The following ANLN variants were observed in gnomAD, a reference collection of about 807,000 sequenced individuals.
The protein encoded by ANLN is anillin.
ANLN carries 59 observed loss-of-function variants against 135.1 expected under a neutral mutation model. The observed-to-expected ratio is 0.44, with a 90% confidence interval of 0.35 to 0.54. The LOEUF (loss-of-function observed/expected upper bound fraction) is 0.54. Ranked by LOEUF, ANLN falls within the 20% of genes least tolerant of loss-of-function variation. ANLN has a pLI of 0.00. For missense variants in ANLN, 1,182 were observed against 1,340.0 expected (o/e 0.88, Z 1.84); for synonymous variants, 406 against 456.4 (o/e 0.89, Z 1.41).
intron 15 of ANLN, 28 bp from the exon 16 acceptor site, chr7:36,424,517 G>C: frequency 1.3e-6 from 2 of 1,567,316 alleles, no homozygotes; most frequent in Non-Finnish European, 1.7e-6. Context: ...TTTCTCTCAA[G>C]GTTTTACTTA....
chr7:36,431,597 G>GTGTGTGTATATA (rs1306528982), intron 20 of ANLN, among the ~76,000 whole-genome samples: 10 of 27,444 alleles, frequency 3.6e-4, no homozygotes, highest in African/African-American at 8.3e-4. Context: ...GTGTGTGTGT[G>GTGTGTGTATATA]TATATATATA....
chr7:36,431,617 A>ATATATATATATATATATATATAT (rs141380630), intron 20 of ANLN, among the ~76,000 whole-genome samples: 5 of 67,368 alleles, frequency 7.4e-5, no homozygotes, highest in African/African-American at 2.9e-4. Flanking sequence ...ATATATATAT[A>ATATATATATATATATATATATAT]ATATATATAT....
intron 4 of ANLN, among the ~76,000 whole-genome samples, chr7:36,407,161 A>G (rs1401123186): frequency 6.6e-6 from 1 of 152,088 alleles, no homozygotes; most frequent in Non-Finnish European, 1.5e-5. Flanking sequence ...TTAGACCTGC[A>G]TTGAATCCCA....
chr7:36,449,088 C>T (rs570310914), intron 22 of ANLN: 4 of 152,288 alleles, frequency 2.6e-5, no homozygotes, highest in Admixed American at 6.5e-5. Context: ...AGTTGACACA[C>T]TTATTGGCTG....
At chr7:36,411,199 G>T (rs765736154) in intron 7 of ANLN, 33 bp downstream of exon 7, 2 of 1,541,312 alleles carry the variant, frequency 1.3e-6, no homozygotes, top group East Asian at 2.3e-5. Context: ...AAACGAACTT[G>T]GTCCCCAAAT....
intron 2 of ANLN, among the ~76,000 whole-genome samples, chr7:36,398,263 ATTTG>A (rs1194684896): frequency 6.6e-6 from 1 of 151,874 alleles, no homozygotes; most frequent in Non-Finnish European, 1.5e-5. Flanking sequence ...GTACTGGTGA[ATTTG>A]TTTGGTATTG....
chr7:36,409,098 A>T (rs1787307177), intron 5 of ANLN, among the ~76,000 whole-genome samples: 1 of 152,238 alleles, frequency 6.6e-6, no homozygotes, highest in African/African-American at 2.4e-5. Flanking sequence ...AATTGGAAAC[A>T]ATAGCAAGAT....
intron 9 of ANLN, among the ~76,000 whole-genome samples, chr7:36,418,284 T>C (rs1340657651): frequency 6.6e-6 from 1 of 151,908 alleles, no homozygotes; most frequent in East Asian, 1.9e-4. Flanking sequence ...TCCTCTCTGG[T>C]GAGGGGTGAG....
intron 20 of ANLN, among the ~76,000 whole-genome samples, chr7:36,429,752 AAG>A (rs1788238131): frequency 6.6e-6 from 1 of 152,204 alleles, no homozygotes; most frequent in South Asian, 2.1e-4. Flanking sequence ...TCTAAAATGA[AAG>A]AGATTTCAAT....
intron 23 of ANLN, among the ~76,000 whole-genome samples, chr7:36,451,185 T>C (rs761515738): frequency 6.6e-6 from 1 of 152,256 alleles, no homozygotes; most frequent in Non-Finnish European, 1.5e-5. Context: ...CTCACTGATG[T>C]GTTTCCTTAC....
In ANLN at chr7:36,424,532, T is replaced by C; in HGVS notation, c.2604-13T>C. 1.3e-6 allele frequency: 2 copies of C among 1,589,876 alleles called. No homozygotes were observed. The highest frequency in any genetic ancestry group is 1.7e-6 in the Non-Finnish European group (2 of 1,167,086). On this transcript the variant is annotated splice_polypyrimidine_tract_variant and intron_variant, in intron 15 of 23. Transcript: ENST00000265748. ...TTTCTCTCAAGGTTTTACTTAATGCTTTATTTTTCCAGGCAAGATGTATCC... is the reference window on the plus strand; with the variant it reads ...TTTCTCTCAAGGTTTTACTTAATGCCTTATTTTTCCAGGCAAGATGTATCC...
intron 21 of ANLN, among the ~76,000 whole-genome samples, chr7:36,441,602 G>A (rs1333355934): frequency 2.6e-5 from 4 of 152,198 alleles, no homozygotes; most frequent in Non-Finnish European, 5.9e-5. Flanking sequence ...CAGGCGCTCT[G>A]GATTGGCAGC....
chr7:36,422,143 A>C (rs1787900987), intron 13 of ANLN, 151 bp downstream of exon 13: 1 of 994,838 alleles, frequency 1.0e-6, no homozygotes, highest in African/African-American at 1.7e-5. Flanking sequence ...TATAAGGTTT[A>C]AGAACTCTAT....
intron 2 of ANLN, among the ~76,000 whole-genome samples, chr7:36,397,443 A>T (rs1356656082): frequency 6.6e-6 from 1 of 152,240 alleles, no homozygotes; most frequent in East Asian, 1.9e-4. Context: ...ATGTTTAGGT[A>T]GAAGTTCACA....
chr7:36,449,824 C>A lies in ANLN; in HGVS notation c.3238C>A (p.Leu1080Ile). ...ETLVSQCRDT[L>I]CVTKNWLSAD... ...TCTTGTCAGCCAATGCAGGGACACA[C>A]TCTGTGTTACCAAGTATGTATTGGC... Residue 1080 changes from leucine (L) to isoleucine (I), a missense_variant, in exon 23 of 24, where the codon CTC becomes ATC. Transcript: ENST00000265748. 1 of 1,613,682 alleles carries A rather than the reference C, an allele frequency of 6.2e-7. No individual in the cohort carries two copies. The highest frequency in any genetic ancestry group is 8.5e-7 in the Non-Finnish European group (1 of 1,179,794).
intron 21 of ANLN, among the ~76,000 whole-genome samples, 159 bp downstream of exon 21, chr7:36,439,449 A>T (rs1485858773): frequency 6.6e-6 from 1 of 152,204 alleles, no homozygotes; most frequent in Non-Finnish European, 1.5e-5. Flanking sequence ...CTGCCATTGG[A>T]ATGTAAAAGA....
intron 20 of ANLN, among the ~76,000 whole-genome samples, chr7:36,436,694 T>C (rs1788562430): frequency 6.6e-6 from 1 of 152,222 alleles, no homozygotes; most frequent in South Asian, 2.1e-4. Context: ...TAGGTTTGAT[T>C]TGAACTTCCC....
intron 17 of ANLN, 116 bp downstream of exon 17, chr7:36,424,858 T>G: frequency 1.0e-6 from 1 of 982,886 alleles, no homozygotes; most frequent in Non-Finnish European, 1.5e-6. Flanking sequence ...ATCAGTTTCA[T>G]GTTCCAATTT....
chr7:36,398,839 C>T (rs1337839078), intron 2 of ANLN, among the ~76,000 whole-genome samples: 1 of 151,836 alleles, frequency 6.6e-6, no homozygotes, highest in Non-Finnish European at 1.5e-5. Flanking sequence ...CAGCTTAGCT[C>T]TAAATATCTT....
Sources: gnomAD v4.1 joint callset for allele counts (sites outside exome capture counted in the v4.1 genomes callset) on GRCh38, gnomAD v4.1.1 for gene constraint, MANE v1.5 for transcripts, NCBI Gene and HGNC (gene_info 2026-07-23, HGNC 2026-07-21) for gene names.